SMG1: variants seen among roughly 807,000 people sequenced by gnomAD.
The protein encoded by SMG1 is SMG1 nonsense mediated mRNA decay associated PI3K related kinase.
In SMG1, 22 loss-of-function variants were observed where a neutral mutation model predicts 419.9. That is an observed-to-expected ratio of 0.05 (90% CI 0.04 to 0.07). The LOEUF (loss-of-function observed/expected upper bound fraction) is 0.07. Among genes scored for constraint, SMG1 ranks in the 10% least tolerant of loss-of-function variants. The probability of loss-of-function intolerance (pLI) is 1.00; values close to 1 mark genes in which losing one functional copy is unlikely to be tolerated. For synonymous variants in SMG1, 1,538 were observed against 1,553.5 expected, an observed-to-expected ratio of 0.99 and a Z score of 0.23; for missense variants, 3,185 against 4,342.0, an observed-to-expected ratio of 0.73 and a Z score of 7.49.
chr16:18,905,328 G>C (rs2037518631), intron 1 of SMG1, among the ~76,000 whole-genome samples: 1 of 152,022 alleles, frequency 6.6e-6, no homozygotes, highest in African/African-American at 2.4e-5. Flanking sequence ...TAATAGCCTG[G>C]ACTCTTCGCA....
intron 38 of SMG1, among the ~76,000 whole-genome samples, chr16:18,847,022 G>A (rs1012966313): frequency 1.3e-5 from 2 of 151,674 alleles, no homozygotes; most frequent in African/African-American, 2.4e-5. Context: ...TGGACAAAAC[G>A]GTATAATCAT....
Position 18,829,306 on chromosome 16 carries a change from G to C in SMG1, c.9583C>G (p.Leu3195Val), listed in dbSNP as rs759373030. ...CTTACCTGAAACATGGCAATATGCA[G>C]CTGAACCCGCTGCAGGCTTGTCTTA... ...SCKTSLQRVQ[L>V]HIAMFQWQHE... The change falls in exon 54 of 63, where the codon CTG becomes GTG. Residue 3195 changes from leucine (L) to valine (V), a missense_variant. Coordinates refer to ENST00000446231, the MANE Select transcript of SMG1 (RefSeq NM_015092.5). 5 of 1,613,064 alleles carry C rather than the reference G, an allele frequency of 3.1e-6. No homozygotes were observed. Among genetic ancestry groups the C allele is most frequent in the Non-Finnish European group, 4.2e-6 (5 of 1,179,290 alleles).
chr16:18,836,354 C>T lies in SMG1; in HGVS notation c.7777+6G>A, dbSNP rs1315966879. The T allele has an allele frequency of 1.2e-6, 2 of 1,612,156 alleles. No individual in the cohort carries two copies. The highest frequency in any genetic ancestry group is 1.3e-5 in the African/African-American group (1 of 74,990). On this transcript the variant is annotated splice_donor_region_variant and intron_variant, in intron 47 of 62. Coordinates refer to ENST00000446231, the MANE Select transcript of SMG1 (RefSeq NM_015092.5). ...ACATGTGAATCTAAAATAAGTCAAC[C>T]CATACCAAGGTCCATTTGTGTGCTT...
intron 55 of SMG1, among the ~76,000 whole-genome samples, chr16:18,827,668 T>A (rs2032827332): frequency 6.9e-6 from 1 of 144,198 alleles, no homozygotes; most frequent in Non-Finnish European, 1.5e-5. Flanking sequence ...TATATATTTT[T>A]ATATATATTT....
chr16:18,841,513 T>C, intron 41 of SMG1, 52 bp downstream of exon 41: 4 of 1,548,264 alleles, frequency 2.6e-6, no homozygotes, highest in Non-Finnish European at 3.6e-6. Flanking sequence ...TACAAGTATT[T>C]CACATAATAA....
rs781626183 is a variant in SMG1 at position 18,864,026 on chromosome 16, C to T, written c.3469G>A (p.Ala1157Thr). ...LTLANAGRNS[A>T]SPKHSLNGES... ...CCATTCAGAGAATGTTTCGGGCTGGCACTGTTACGCCCAGCATTGGCTAAG... is the reference window on the plus strand; with the variant it reads ...CCATTCAGAGAATGTTTCGGGCTGGTACTGTTACGCCCAGCATTGGCTAAG... Residue 1157 changes from alanine to threonine, a missense_variant, in exon 24 of 63, where the codon GCC becomes ACC. By Grantham distance (58) the Ala-to-Thr change is moderately conservative (BLOSUM62 0). Transcript: ENST00000446231. 3.2e-6 allele frequency: 5 copies of T among 1,549,988 alleles called. No individual in the cohort carries two copies. The South Asian group carries it at 6.0e-5, about 18-fold the overall frequency.
chr16:18,854,728 T>C lies in SMG1; in HGVS notation c.4411A>G (p.Thr1471Ala). 2 of 1,613,942 alleles carry C rather than the reference T, an allele frequency of 1.2e-6. No individual in the cohort carries two copies. The highest frequency in any genetic ancestry group is 2.2e-5 in the South Asian group (2 of 91,072). The change falls in exon 30 of 63, where the codon ACC becomes GCC. Residue 1471 changes from threonine (T) to alanine (A), a missense_variant. By Grantham distance (58) the Thr-to-Ala change is moderately conservative (BLOSUM62 0). Around this residue, in one of 27 missense-constraint regions of SMG1, gnomAD observed 493 missense variants for 552.9 expected, o/e 0.89. Transcript: ENST00000446231. ...CATTTTTCATCCACTTGACCTTGGG[T>C]TGATAGTTTTTTAAAATGTTGGACT... ...DLVQHFKKLS[T>A]QGQVDEKWGP...
intron 36 of SMG1, 47 bp from the exon 37 acceptor site, chr16:18,848,080 T>C: frequency 6.7e-7 from 1 of 1,495,772 alleles, no homozygotes; most frequent in South Asian, 1.1e-5. Flanking sequence ...ATTTCTCCCA[T>C]GTGCATATGC....
At chr16:18,842,064 C>T (rs1596500407) in intron 40 of SMG1, 144 bp downstream of exon 40, 3 of 942,844 alleles carry the variant, frequency 3.2e-6, no homozygotes, top group East Asian at 5.3e-5. Flanking sequence ...CGTTCAAAAG[C>T]ACATAAGATA....
rs2036990520 is a variant in SMG1, at chr16:18,893,778, C to T, written c.413-1424G>A. ...ATTGGTAAAAAAAGAAACCAGAAGG[C>T]TGGGCATGGTGGCTCACACCTGTAA... On this transcript the variant is annotated intron_variant, in intron 3 of 62. Coordinates refer to ENST00000446231, the MANE Select transcript of SMG1 (RefSeq NM_015092.5). Among the ~76,000 whole-genome samples the T allele has an allele frequency of 3.3e-5, 5 of 152,188 alleles. No homozygotes were observed. The South Asian group carries it at 8.3e-4, about 25-fold the overall frequency.
At chr16:18,881,426 T>C (rs1270281317) in intron 10 of SMG1, among the ~76,000 whole-genome samples, 1 of 152,218 alleles carries the variant, frequency 6.6e-6, no homozygotes, top group Non-Finnish European at 1.5e-5. Context: ...AAAAATTTTA[T>C]ATATCTACAT....
chr16:18,869,404 C>T, intron 19 of SMG1, 101 bp from the exon 20 acceptor site: 2 of 1,083,758 alleles, frequency 1.8e-6, no homozygotes, highest in South Asian at 3.0e-5. Flanking sequence ...GTAATTTTCC[C>T]TACTCCAAAA....
At chr16:18,897,878 T>C (rs1448085718) in intron 1 of SMG1, among the ~76,000 whole-genome samples, 1 of 151,636 alleles carries the variant, frequency 6.6e-6, no homozygotes, top group East Asian at 1.9e-4. Context: ...ACTGATTTTC[T>C]CCTGAGAGGA....
intron 13 of SMG1, among the ~76,000 whole-genome samples, chr16:18,874,598 G>A (rs1295193243): frequency 2.0e-5 from 3 of 146,906 alleles, no homozygotes; most frequent in Non-Finnish European, 4.5e-5. Context: ...GGGCGCGGTG[G>A]CTCACGCCTG....
chr16:18,814,480 CAA>C (rs918024930), intron 60 of SMG1, among the ~76,000 whole-genome samples: 9 of 151,876 alleles, frequency 5.9e-5, no homozygotes, highest in Non-Finnish European at 1.5e-5. Flanking sequence ...GCCTGGGCGA[CAA>C]GAGACAGTTT....
chr16:18,853,526 A>G, intron 31 of SMG1, 57 bp downstream of exon 31: 1 of 1,407,096 alleles, frequency 7.1e-7, no homozygotes, highest in African/African-American at 1.5e-5. Context: ...AAACTTTAAA[A>G]CAGAAAAAAA....
At chr16:18,859,945 G>A (rs1220124109) in intron 26 of SMG1, among the ~76,000 whole-genome samples, 8 of 152,196 alleles carry the variant, frequency 5.3e-5, no homozygotes, top group Non-Finnish European at 8.8e-5. Flanking sequence ...GAGGCCAGGC[G>A]TGGTGGCTCA....
At chr16:18,904,324 A>AAAAAAAC (rs552963548) in intron 1 of SMG1, among the ~76,000 whole-genome samples, 40 of 151,808 alleles carry the variant, frequency 2.6e-4, no homozygotes, top group Non-Finnish European at 5.0e-4. Context: ...TCTTACTTTA[A>AAAAAAAC]AAAAAACAAA....
chr16:18,849,831 G>C (rs1421523164), intron 35 of SMG1, 118 bp downstream of exon 35: 7 of 984,032 alleles, frequency 7.1e-6, no homozygotes, highest in Non-Finnish European at 1.0e-5. Flanking sequence ...GTCCTAGGAA[G>C]TTAATCTGGC....
Sources: allele counts gnomAD v4.1 joint callset (sites outside exome capture counted in the v4.1 genomes callset), GRCh38; gene constraint gnomAD v4.1.1; regional missense constraint gnomAD v4.1.1; transcripts MANE v1.5; gene names NCBI Gene and HGNC (gene_info 2026-07-23, HGNC 2026-07-21).